Variants in ANKRD17 observed in about 807,000 individuals in gnomAD.
ANKRD17 encodes the protein ankyrin repeat domain-containing protein 17.
In ANKRD17, 19 loss-of-function variants were observed where a neutral mutation model predicts 229.7. The ratio of observed to expected loss-of-function variants is 0.08; its 90% CI spans 0.06 to 0.12. The LOEUF is 0.12. Among genes scored for constraint, ANKRD17 ranks in the 10% least tolerant of loss-of-function variants. The pLI, the probability that ANKRD17 is intolerant of heterozygous loss-of-function variation, is 1.00. For synonymous variants in ANKRD17, 1,112 were observed against 1,146.1 expected, an observed-to-expected ratio of 0.97 and a Z score of 0.60; for missense variants, 2,176 against 3,176.8, an observed-to-expected ratio of 0.68 and a Z score of 7.57.
At chr4:73,206,510 C>T (rs1739477610) in intron 1 of ANKRD17, among the ~76,000 whole-genome samples, 1 of 151,994 alleles carries the variant, frequency 6.6e-6, no homozygotes, top group Admixed American at 6.5e-5. Context: ...GAAATCTTGT[C>T]TCTTGCAACA....
intron 1 of ANKRD17, among the ~76,000 whole-genome samples, chr4:73,191,385 G>GTGTGTGTGTGTA (rs759075951): frequency 6.7e-6 from 1 of 150,078 alleles, no homozygotes; most frequent in Non-Finnish European, 1.5e-5. Flanking sequence ...GTGTGTGTGT[G>GTGTGTGTGTGTA]TATCTCCAGA....
intron 10 of ANKRD17, among the ~76,000 whole-genome samples, chr4:73,145,397 T>C (rs997282568): frequency 2.6e-5 from 4 of 152,136 alleles, no homozygotes; most frequent in Non-Finnish European, 5.9e-5. Flanking sequence ...TTACAAGAGC[T>C]TTCTGGGTCC....
intron 29 of ANKRD17, among the ~76,000 whole-genome samples, chr4:73,086,297 A>C (rs898377670): frequency 6.6e-6 from 1 of 152,174 alleles, no homozygotes; most frequent in African/African-American, 2.4e-5. Context: ...CTATTTCAAA[A>C]ACGAATGTAT....
chr4:73,176,111 A>AAATCTAAT (rs1400244099), intron 2 of ANKRD17, among the ~76,000 whole-genome samples: 2 of 152,214 alleles, frequency 1.3e-5, no homozygotes, highest in South Asian at 4.1e-4. Flanking sequence ...ATAGGAAAAA[A>AAATCTAAT]AATCTAATAA....
Position 73,258,279 on chromosome 4 carries a change from A to G in ANKRD17, c.390T>C (p.Ser130=). ...EDDDDEEEEV[S]EVESFILDQD... ...TCCTTTGAAACCAGGCCCTTGCCTC[A>G]GAAACCTCCTCTTCCTCGTCGTCGT... Residue 130 remains serine (S), a synonymous_variant, in exon 1 of 34, where the codon TCT becomes TCC. Coordinates refer to ENST00000358602, the MANE Select transcript of ANKRD17 (RefSeq NM_032217.5). The G allele has an allele frequency of 6.2e-7, 1 of 1,613,770 alleles. No individual in the cohort carries two copies. Among genetic ancestry groups the G allele is most frequent in the Non-Finnish European group, 8.5e-7 (1 of 1,179,992 alleles).
intron 1 of ANKRD17, among the ~76,000 whole-genome samples, chr4:73,216,059 T>C (rs989637199): frequency 7.2e-5 from 11 of 152,116 alleles, no homozygotes; most frequent in African/African-American, 2.4e-4. Context: ...CTGGGCAACG[T>C]AATGAGACCT....
intron 2 of ANKRD17, among the ~76,000 whole-genome samples, chr4:73,164,654 T>C (rs989052555): frequency 2.0e-5 from 3 of 152,014 alleles, no homozygotes; most frequent in Admixed American, 2.0e-4. Context: ...TAGCTGGACA[T>C]GGTGGCATGC....
chr4:73,167,966 C>A (rs546225359), intron 2 of ANKRD17, among the ~76,000 whole-genome samples: 3 of 152,010 alleles, frequency 2.0e-5, no homozygotes, highest in Non-Finnish European at 4.4e-5. Context: ...TCCTGGCTAA[C>A]GCAGCGAAAC....
intron 24 of ANKRD17, among the ~76,000 whole-genome samples, chr4:73,107,426 C>T (rs1196861007): frequency 6.6e-6 from 1 of 152,110 alleles, no homozygotes; most frequent in African/African-American, 2.4e-5. Flanking sequence ...TCCCTGTCTT[C>T]AAGTTTACAT....
At chr4:73,217,788 TAA>T (rs1741279618) in intron 1 of ANKRD17, among the ~76,000 whole-genome samples, 1 of 152,216 alleles carries the variant, frequency 6.6e-6, no homozygotes, top group African/African-American at 2.4e-5. Context: ...AAAAATTGCA[TAA>T]AACTACATTC....
At chr4:73,212,388 T>C (rs1405393755) in intron 1 of ANKRD17, among the ~76,000 whole-genome samples, 2 of 152,202 alleles carry the variant, frequency 1.3e-5, no homozygotes, top group Non-Finnish European at 2.9e-5. Context: ...ATAAAAGATA[T>C]ATTCTTCCAT....
At chr4:73,093,461 T>G (rs1414628030) in intron 28 of ANKRD17, among the ~76,000 whole-genome samples, 1 of 135,532 alleles carries the variant, frequency 7.4e-6, no homozygotes, top group East Asian at 2.3e-4. Flanking sequence ...CACCGCAACC[T>G]CTGCCTCCCA....
chr4:73,133,234 C>A (rs533244175), intron 16 of ANKRD17, among the ~76,000 whole-genome samples: 1 of 150,688 alleles, frequency 6.6e-6, no homozygotes, highest in South Asian at 2.1e-4. Flanking sequence ...GGTGACAGAG[C>A]GAGACTCCGT....
chr4:73,087,157 C>G (rs1416368313), intron 29 of ANKRD17, among the ~76,000 whole-genome samples: 1 of 150,898 alleles, frequency 6.6e-6, no homozygotes, highest in Non-Finnish European at 1.5e-5. Flanking sequence ...TTGCTCATAG[C>G]TCACCCCAGC....
chr4:73,238,843 G>T (rs1042787509), intron 1 of ANKRD17, among the ~76,000 whole-genome samples: 1 of 152,102 alleles, frequency 6.6e-6, no homozygotes, highest in African/African-American at 2.4e-5. Flanking sequence ...GACTACCCAT[G>T]TTTATATTCC....
Position 73,120,329 on chromosome 4 carries a change from G to A in ANKRD17, c.3858C>T (p.Leu1286=), listed in dbSNP as rs1334484050. The change falls in exon 21 of 34, where the codon CTC becomes CTT. Residue 1286 remains leucine, a synonymous_variant. Transcript: ENST00000358602. ...ANVEHRAKTG[L]TPLMEAASGG... ...CAGAGGCAGCTTCCATTAGTGGTGT[G>A]AGACCAGTCTAAGTTTAGTGTAAAA... 14 of 1,613,830 alleles carry A rather than the reference G, an allele frequency of 8.7e-6. No homozygotes were observed. Among genetic ancestry groups the A allele is most frequent in the Non-Finnish European group, 1.2e-5 (14 of 1,179,934 alleles).
At chr4:73,147,192 A>G in intron 9 of ANKRD17, 49 bp downstream of exon 9, 1 of 1,461,816 alleles carries the variant, frequency 6.8e-7, no homozygotes, top group East Asian at 2.3e-5. Flanking sequence ...TGACATTTTT[A>G]CTTAAACAAA....
At chr4:73,084,081 G>C (rs1721853153) in intron 30 of ANKRD17, among the ~76,000 whole-genome samples, 1 of 152,058 alleles carries the variant, frequency 6.6e-6, no homozygotes, top group Non-Finnish European at 1.5e-5. Context: ...ATTGCTGACT[G>C]ATCTTCATTA....
At chr4:73,203,998 T>C (rs1739079968) in intron 1 of ANKRD17, among the ~76,000 whole-genome samples, 2 of 151,958 alleles carry the variant, frequency 1.3e-5, no homozygotes, top group South Asian at 4.1e-4. Context: ...TAAGAATGAC[T>C]GCTGACTTCT....
Sources: gnomAD v4.1 joint callset for allele counts (sites outside exome capture counted in the v4.1 genomes callset) on GRCh38, gnomAD v4.1.1 for gene constraint, MANE v1.5 for transcripts, NCBI Gene and HGNC (gene_info 2026-07-23, HGNC 2026-07-21) for gene names.